Variants in CACNB2 observed in about 807,000 individuals in gnomAD.
CACNB2 encodes voltage-dependent L-type calcium channel subunit beta-2.
In CACNB2, 42 loss-of-function variants were observed where a neutral mutation model predicts 73.3. The ratio of observed to expected loss-of-function variants is 0.57; its 90% CI spans 0.45 to 0.74. The LOEUF is 0.74. Among genes scored for constraint, CACNB2 ranks in the 30% least tolerant of loss-of-function variants. The pLI is 0.00. For missense variants in CACNB2, 940 were observed against 853.0 expected, an observed-to-expected ratio of 1.10 and a Z score of -1.27; for synonymous variants, 348 against 310.3, an observed-to-expected ratio of 1.12 and a Z score of -1.28.
At chr10:18,308,143 G>A (rs754430504) in intron 2 of CACNB2, among the ~76,000 whole-genome samples, 1 of 151,622 alleles carries the variant, frequency 6.6e-6, no homozygotes, top group Middle Eastern at 3.2e-3. Flanking sequence ...ACAGGCACCC[G>A]CCACCATGCC....
chr10:18,378,825 G>A (rs2042903606), intron 2 of CACNB2, among the ~76,000 whole-genome samples: 1 of 152,012 alleles, frequency 6.6e-6, no homozygotes, highest in South Asian at 2.1e-4. Flanking sequence ...GTTCTGAAAG[G>A]GGCTCTTCAG....
chr10:18,222,491 G>A (rs1307266081), intron 2 of CACNB2, among the ~76,000 whole-genome samples: 5 of 151,982 alleles, frequency 3.3e-5, no homozygotes, highest in Admixed American at 6.6e-5. Flanking sequence ...ATATTAAAGA[G>A]TTACTATTTT....
chr10:18,433,910 TTG>T (rs869145048), intron 3 of CACNB2, among the ~76,000 whole-genome samples: 2 of 147,646 alleles, frequency 1.4e-5, no homozygotes, highest in African/African-American at 4.9e-5. Context: ...GTTGTTGTTG[TTG>T]TTTTAATAGC....
chr10:18,464,264 C>T (rs1008900892), intron 3 of CACNB2, among the ~76,000 whole-genome samples: 17 of 150,812 alleles, frequency 1.1e-4, no homozygotes, highest in African/African-American at 3.6e-4. Flanking sequence ...GAACCTGGCT[C>T]TTTTCATTAG....
At chr10:18,445,718 G>C (rs1187067948) in intron 3 of CACNB2, among the ~76,000 whole-genome samples, 1 of 152,154 alleles carries the variant, frequency 6.6e-6, no homozygotes, top group African/African-American at 2.4e-5. Context: ...TTATGACCGG[G>C]GCACCAGGAA....
intron 2 of CACNB2, among the ~76,000 whole-genome samples, chr10:18,348,726 C>T (rs2489196): frequency 0.43 from 65,540 of 151,952 alleles, 14,737 homozygotes; most frequent in Admixed American, 0.48. Flanking sequence ...TGGTCTGGAA[C>T]TCCTGACCTC....
At chr10:18,162,578 A>G (rs569075228) in intron 2 of CACNB2, among the ~76,000 whole-genome samples, 45 of 152,304 alleles carry the variant, frequency 3.0e-4, no homozygotes, top group African/African-American at 1.1e-3. Flanking sequence ...TTCTCTGTCA[A>G]TTAGATTATT....
intron 2 of CACNB2, among the ~76,000 whole-genome samples, chr10:18,210,361 T>C (rs941812820): frequency 6.6e-6 from 1 of 152,210 alleles, no homozygotes; most frequent in Non-Finnish European, 1.5e-5. Flanking sequence ...ATAAATGGTA[T>C]GATAATTCAT....
chr10:18,443,806 C>T (rs940962415), intron 3 of CACNB2, among the ~76,000 whole-genome samples: 3 of 151,858 alleles, frequency 2.0e-5, no homozygotes, highest in Admixed American at 2.0e-4. Context: ...CCTCCACCTC[C>T]CAGGTTCAAG....
chr10:18,188,804 A>G (rs2034266432), intron 2 of CACNB2, among the ~76,000 whole-genome samples: 1 of 152,144 alleles, frequency 6.6e-6, no homozygotes, highest in Admixed American at 6.5e-5. Flanking sequence ...CTTAGTATAG[A>G]AAAAAAAGAC....
At chr10:18,243,924 C>T (rs548683926) in intron 2 of CACNB2, among the ~76,000 whole-genome samples, 10 of 152,264 alleles carry the variant, frequency 6.6e-5, no homozygotes, top group East Asian at 5.8e-4. Context: ...CAGGGAACAA[C>T]GAGAGCTTTG....
intron 3 of CACNB2, among the ~76,000 whole-genome samples, chr10:18,466,008 T>C (rs977368398): frequency 1.3e-5 from 2 of 152,186 alleles, no homozygotes; most frequent in Non-Finnish European, 2.9e-5. Flanking sequence ...GTTTTGTTAC[T>C]GAACATTTTG....
intron 2 of CACNB2, among the ~76,000 whole-genome samples, chr10:18,170,067 G>T (rs189295710): frequency 2.1e-3 from 326 of 152,294 alleles, no homozygotes; most frequent in African/African-American, 7.7e-3. Context: ...CACCTCATTG[G>T]CTCTGGTTGG....
intron 10 of CACNB2, among the ~76,000 whole-genome samples, chr10:18,527,914 T>G (rs1391069303): frequency 1.3e-5 from 2 of 152,214 alleles, no homozygotes; most frequent in Admixed American, 1.3e-4. Flanking sequence ...TCAGCATTAA[T>G]GTTTTGGTTG....
chr10:18,434,157 T>G (rs562860770), intron 3 of CACNB2, among the ~76,000 whole-genome samples: 1 of 152,306 alleles, frequency 6.6e-6, no homozygotes, highest in Non-Finnish European at 1.5e-5. Context: ...TCTAATTCGT[T>G]ATAGGAGTGG....
chr10:18,295,887 A>C (rs1218461836), intron 2 of CACNB2, among the ~76,000 whole-genome samples: 2 of 152,148 alleles, frequency 1.3e-5, no homozygotes, highest in Non-Finnish European at 2.9e-5. Context: ...GAAGGGGAAA[A>C]GGAAAGGGTT....
chr10:18,290,147 C>T (rs1588953631), intron 2 of CACNB2, among the ~76,000 whole-genome samples: 1 of 108,400 alleles, frequency 9.2e-6, no homozygotes, highest in Non-Finnish European at 1.7e-5. Flanking sequence ...TTTGCCTCAG[C>T]CTCCTAAGTA....
chr10:18,204,458 G>A (rs16916965), intron 2 of CACNB2, among the ~76,000 whole-genome samples: 14,815 of 152,226 alleles, frequency 0.097, 2,199 homozygotes, highest in African/African-American at 0.32. Flanking sequence ...AGTGGGATAA[G>A]GAAATCTTGC....
intron 2 of CACNB2, among the ~76,000 whole-genome samples, chr10:18,332,279 G>A (rs1564443522): frequency 6.6e-6 from 1 of 152,194 alleles, no homozygotes. Context: ...GTGGTGAGAG[G>A]TGGCAAGGGT....
Sources: allele counts gnomAD v4.1 joint callset (sites outside exome capture counted in the v4.1 genomes callset), GRCh38; gene constraint gnomAD v4.1.1; transcripts MANE v1.5; gene names NCBI Gene and HGNC (gene_info 2026-07-23, HGNC 2026-07-21).